The following AKNAD1 variants were observed in gnomAD, a reference collection of about 807,000 sequenced individuals.
The protein encoded by AKNAD1 is protein AKNAD1.
A neutral mutation model predicts 90.8 loss-of-function variants in AKNAD1; 67 were observed. The observed-to-expected ratio is 0.74, with a 90% confidence interval of 0.61 to 0.90. The LOEUF is 0.90. Ranked by LOEUF, AKNAD1 falls within the 40% of genes least tolerant of loss-of-function variation. AKNAD1 has a pLI of 0.00. For synonymous variants in AKNAD1, 327 were observed against 341.4 expected, an observed-to-expected ratio of 0.96 and a Z score of 0.46; for missense variants, 957 against 975.4, an observed-to-expected ratio of 0.98 and a Z score of 0.25.
rs1054589179 is a variant in AKNAD1, at chr1:108,828,200, C to T, written c.1839-898G>A. 4.0e-5 allele frequency among the ~76,000 whole-genome samples: 6 copies of T among 151,754 alleles called. No individual in the cohort carries two copies. In the South Asian group the frequency reaches 1.3e-3, roughly 32 times the overall value. ...TGGTCCTGGAAGTACAAGCTGATTA[C>T]ATCCAACAACTCCAGCAAAGTGGGC... On this transcript the variant is annotated intron_variant, in intron 10 of 15. Transcript: ENST00000370001.
chr1:108,817,312 A>T, intron 14 of AKNAD1, 135 bp from the exon 15 acceptor site: 1 of 1,126,160 alleles, frequency 8.9e-7, no homozygotes, highest in Non-Finnish European at 1.2e-6. Flanking sequence ...CTGCCCTCCT[A>T]GCTCTCATAC....
chr1:108,839,649 A>G (rs916866558), intron 6 of AKNAD1, among the ~76,000 whole-genome samples: 5 of 152,198 alleles, frequency 3.3e-5, no homozygotes, highest in Non-Finnish European at 7.4e-5. Flanking sequence ...CTAGAAAGCT[A>G]GGAATAGAAG....
intron 10 of AKNAD1, among the ~76,000 whole-genome samples, chr1:108,829,638 G>T (rs1664120053): frequency 6.6e-6 from 1 of 152,060 alleles, no homozygotes; most frequent in Non-Finnish European, 1.5e-5. Context: ...TCTTTTTTCA[G>T]GGGTGGACAC....
intron 11 of AKNAD1, among the ~76,000 whole-genome samples, chr1:108,826,621 T>C (rs1664001353): frequency 6.6e-6 from 1 of 151,632 alleles, no homozygotes. Context: ...ACAGACTGAA[T>C]GACATCTTGT....
At chr1:108,836,146 T>C (rs1664379325) in intron 7 of AKNAD1, among the ~76,000 whole-genome samples, 1 of 152,216 alleles carries the variant, frequency 6.6e-6, no homozygotes, top group South Asian at 2.1e-4. Flanking sequence ...AGCTGTAAAC[T>C]TGGGACCAAG....
chr1:108,848,983 A>G lies in AKNAD1; in HGVS notation c.1111T>C (p.Phe371Leu). Residue 371 changes from phenylalanine (F) to leucine (L), a missense_variant, in exon 4 of 16, where the codon TTT (phenylalanine) becomes CTT (leucine). Coordinates refer to ENST00000370001, the MANE Select transcript of AKNAD1 (RefSeq NM_152763.5). ...TGTTTCCCTTGGGATATCTTTTGAAATATGTAAGAAGAACTTGAGGAAGTG... is the reference window on the plus strand; with the variant it reads ...TGTTTCCCTTGGGATATCTTTTGAAGTATGTAAGAAGAACTTGAGGAAGTG... The part of the protein sequence containing the change: ...KGTSSSSSYI[F>L]QKISQGKQMC... The G allele has an allele frequency of 6.2e-7, 1 of 1,611,534 alleles. No individual in the cohort carries two copies. The highest frequency in any genetic ancestry group is 8.5e-7 in the Non-Finnish European group (1 of 1,179,404).
intron 9 of AKNAD1, among the ~76,000 whole-genome samples, chr1:108,831,732 T>G (rs955721468): frequency 1.5e-5 from 2 of 134,214 alleles, no homozygotes; most frequent in Non-Finnish European, 1.6e-5. Context: ...GTTCAAGCAA[T>G]TCTTCTGGCT....
chr1:108,853,623 G>A (rs1664938034), intron 1 of AKNAD1, among the ~76,000 whole-genome samples: 2 of 152,118 alleles, frequency 1.3e-5, no homozygotes, highest in African/African-American at 2.4e-5. Flanking sequence ...GAGAAGGGCA[G>A]AGAAGGACTT....
intron 5 of AKNAD1, among the ~76,000 whole-genome samples, chr1:108,844,083 C>T (rs1342826518): frequency 2.0e-5 from 3 of 152,166 alleles, no homozygotes; most frequent in Non-Finnish European, 2.9e-5. Context: ...TAGCCAAAGG[C>T]CAGGCACAGT....
chr1:108,835,299 T>C (rs1452619061), intron 7 of AKNAD1, among the ~76,000 whole-genome samples: 1 of 152,222 alleles, frequency 6.6e-6, no homozygotes, highest in African/African-American at 2.4e-5. Context: ...ATTTAGTTAC[T>C]TTTGGTCATA....
At chr1:108,827,359 A>G (rs769255454) in intron 10 of AKNAD1, 57 bp from the exon 11 acceptor site, 21 of 1,316,924 alleles carry the variant, frequency 1.6e-5, no homozygotes, top group Non-Finnish European at 2.1e-5. Context: ...ATAGATAGGG[A>G]AAGTTTTGGT....
rs774961990 is a variant in AKNAD1 at position 108,849,062 on chromosome 1, T to C, written c.1034-2A>G. Reference sequence around the variant, plus strand: ...AGAGACTTGCCTCAGATTCTATTCCTATACAAGAAAGAACACATTTGGGCT... The same window carrying C: ...AGAGACTTGCCTCAGATTCTATTCCCATACAAGAAAGAACACATTTGGGCT... On this transcript the variant is annotated splice_acceptor_variant, in intron 3 of 15. Coordinates refer to ENST00000370001, the MANE Select transcript of AKNAD1 (RefSeq NM_152763.5). LOFTEE classifies it high-confidence loss of function. The C allele has an allele frequency of 7.6e-6, 12 of 1,581,364 alleles. No individual in the cohort carries two copies. Among genetic ancestry groups the C allele is most frequent in the Admixed American group, 1.9e-5 (1 of 52,244 alleles).
chr1:108,826,800 C>T (rs952874265), intron 11 of AKNAD1, among the ~76,000 whole-genome samples: 33 of 143,076 alleles, frequency 2.3e-4, no homozygotes, highest in Non-Finnish European at 3.0e-4. Flanking sequence ...AGTACGGTGG[C>T]ATGATCATGG....
intron 14 of AKNAD1, among the ~76,000 whole-genome samples, chr1:108,819,603 C>T (rs989095916): frequency 6.6e-6 from 1 of 150,984 alleles, no homozygotes; most frequent in Admixed American, 6.6e-5. Context: ...CAAAGCAAGA[C>T]CCTGCCTCAA....
rs765244096 is a variant in AKNAD1, at chr1:108,830,605, T to C, written c.1792A>G (p.Thr598Ala). The C allele has an allele frequency of 1.2e-6, 2 of 1,614,120 alleles. No homozygotes were observed. The highest frequency in any genetic ancestry group is 1.7e-6 in the Non-Finnish European group (2 of 1,180,026). ...AAGGCACAGCTCGGACTGGGTGCCG[T>C]CATCTCTGCACAATCCTGCCTTCTT... ...TPRRQDCAEM[T>A]APSPSCAFCR... Residue 598 changes from threonine to alanine, a missense_variant, in exon 10 of 16, where the codon ACG becomes GCG. By Grantham distance (58) the Thr-to-Ala change is moderately conservative. Coordinates refer to ENST00000370001, the MANE Select transcript of AKNAD1 (RefSeq NM_152763.5).
intron 5 of AKNAD1, among the ~76,000 whole-genome samples, chr1:108,847,765 G>A (rs941598921): frequency 6.6e-6 from 1 of 152,136 alleles, no homozygotes; most frequent in Non-Finnish European, 1.5e-5. Flanking sequence ...CCTTCCAAAT[G>A]TCCCCTCACT....
chr1:108,843,430 TACAG>T, intron 5 of AKNAD1, 163 bp from the exon 6 acceptor site: 1 of 814,960 alleles, frequency 1.2e-6, no homozygotes. Context: ...ACATCTAAAC[TACAG>T]ACAACCCAAG....
chr1:108,849,710 A>G, intron 2 of AKNAD1, 134 bp from the exon 3 acceptor site: 1 of 652,776 alleles, frequency 1.5e-6, no homozygotes, highest in Non-Finnish European at 2.7e-6. Context: ...CATGATGCCA[A>G]GGTTGAATTC....
intron 1 of AKNAD1, 118 bp from the exon 2 acceptor site, chr1:108,852,885 G>C: frequency 2.5e-6 from 1 of 403,324 alleles, no homozygotes; most frequent in Non-Finnish European, 4.3e-6. Context: ...AGGAAGGCAG[G>C]AAGCTCAACC....
Sources: allele counts gnomAD v4.1 joint callset (sites outside exome capture counted in the v4.1 genomes callset), GRCh38; gene constraint gnomAD v4.1.1; transcripts MANE v1.5; gene names NCBI Gene and HGNC (gene_info 2026-07-23, HGNC 2026-07-21).